The following PDE1C variants were observed in gnomAD, a reference collection of about 807,000 sequenced individuals.
The protein encoded by PDE1C is phosphodiesterase 1C.
Under a neutral mutation model 93.1 loss-of-function variants are expected in PDE1C, and 62 were observed. That is an observed-to-expected ratio of 0.67 (90% confidence interval 0.54 to 0.82). PDE1C has a LOEUF of 0.82. Ranked by LOEUF, PDE1C falls within the 40% of genes least tolerant of loss-of-function variation. PDE1C has a pLI of 0.00. For synonymous variants in PDE1C, 325 were observed against 310.1 expected (o/e 1.05, Z -0.50); for missense variants, 742 against 884.6 (o/e 0.84, Z 2.04).
intron 1 of PDE1C, among the ~76,000 whole-genome samples, chr7:32,326,831 G>A (rs1187699251): frequency 6.6e-6 from 1 of 152,164 alleles, no homozygotes; most frequent in Non-Finnish European, 1.5e-5. Flanking sequence ...ATAACAGCAT[G>A]TTTGCATGCT....
chr7:32,002,641 T>C (rs1785627314), intron 2 of PDE1C, among the ~76,000 whole-genome samples: 1 of 152,124 alleles, frequency 6.6e-6, no homozygotes, highest in Non-Finnish European at 1.5e-5. Context: ...AGCCAGAGAA[T>C]AAACACAACA....
chr7:32,298,833 T>A (rs1047083240), exon 1 of PDE1C: 1 of 1,434,904 alleles, frequency 7.0e-7, no homozygotes, highest in East Asian at 2.8e-5. Flanking sequence ...CGGCGAATCC[T>A]CCCCCGGCCG....
chr7:32,363,004 A>G (rs1784162932), intron 1 of PDE1C, among the ~76,000 whole-genome samples: 1 of 152,226 alleles, frequency 6.6e-6, no homozygotes, highest in African/African-American at 2.4e-5. Flanking sequence ...AAATTCATTC[A>G]CAGCAAACAC....
intron 9 of PDE1C, among the ~76,000 whole-genome samples, chr7:31,845,674 A>T (rs111976043): frequency 0.014 from 2,114 of 152,176 alleles, 17 homozygotes; most frequent in Non-Finnish European, 0.018. Flanking sequence ...AATAAAAAAA[A>T]TTTTTAAAAA....
the PDE1C span, among the ~76,000 whole-genome samples, chr7:31,680,670 A>T: frequency 6.6e-6 from 1 of 152,034 alleles, no homozygotes. Context: ...ATGGTGCTCA[A>T]AGTCAGTGTG....
chr7:31,829,573 A>G (rs976739212), intron 11 of PDE1C, among the ~76,000 whole-genome samples: 1 of 152,180 alleles, frequency 6.6e-6, no homozygotes, highest in African/African-American at 2.4e-5. Context: ...CACATGTAGC[A>G]TTAACTGAAA....
chr7:32,145,867 C>T (rs534980702), intron 3 of PDE1C, among the ~76,000 whole-genome samples: 13 of 152,198 alleles, frequency 8.5e-5, no homozygotes, highest in Admixed American at 3.9e-4. Flanking sequence ...CTTCTGACTC[C>T]GAGAACAGTG....
intron 7 of PDE1C, among the ~76,000 whole-genome samples, chr7:31,851,086 A>ACG (rs2128802266): frequency 6.4e-5 from 1 of 15,652 alleles, no homozygotes; most frequent in East Asian, 4.3e-3. Flanking sequence ...ACACACACAC[A>ACG]CACACACACA....
intron 2 of PDE1C, among the ~76,000 whole-genome samples, chr7:31,953,612 T>C (rs1157669562): frequency 4.6e-5 from 7 of 152,134 alleles, no homozygotes. Context: ...AAATATCTAT[T>C]CATCCCACCA....
intron 3 of PDE1C, among the ~76,000 whole-genome samples, chr7:32,122,847 C>A (rs1799372603): frequency 6.6e-6 from 1 of 152,066 alleles, no homozygotes; most frequent in Non-Finnish European, 1.5e-5. Flanking sequence ...TAGCAGAAGA[C>A]AAGAAATAAC....
chr7:32,018,801 A>C (rs1271312847), intron 2 of PDE1C, among the ~76,000 whole-genome samples: 1 of 152,180 alleles, frequency 6.6e-6, no homozygotes, highest in Non-Finnish European at 1.5e-5. Flanking sequence ...TATGCTTTAA[A>C]TGGGTGACTT....
At chr7:32,417,014 C>T (rs1481832870) in intron 1 of PDE1C, among the ~76,000 whole-genome samples, 2 of 152,102 alleles carry the variant, frequency 1.3e-5, no homozygotes, top group Non-Finnish European at 2.9e-5. Context: ...CTCTCCCAGC[C>T]GACACATAGC....
intron 17 of PDE1C, among the ~76,000 whole-genome samples, chr7:31,767,413 A>C (rs1795213504): frequency 6.6e-6 from 1 of 152,014 alleles, no homozygotes; most frequent in South Asian, 2.1e-4. Context: ...TGGTCATTTA[A>C]AAGTGTGCGG....
At chr7:31,626,074 C>T in the PDE1C span, among the ~76,000 whole-genome samples, 1 of 152,066 alleles carries the variant, frequency 6.6e-6, no homozygotes, top group African/African-American at 2.4e-5. Context: ...AATCAAAGAA[C>T]AGACAGAAGT....
intron 3 of PDE1C, among the ~76,000 whole-genome samples, chr7:32,088,015 A>G (rs1340638035): frequency 7.0e-6 from 1 of 142,440 alleles, no homozygotes; most frequent in South Asian, 2.5e-4. Context: ...AATAAAATAA[A>G]AAAATAAAAA....
the PDE1C span, among the ~76,000 whole-genome samples, chr7:31,743,521 AC>A: frequency 6.6e-6 from 1 of 151,690 alleles, no homozygotes; most frequent in Non-Finnish European, 1.5e-5. Flanking sequence ...AAGTCATAAA[AC>A]CACATCAGCA....
chr7:32,367,229 G>A (rs1450201168), intron 1 of PDE1C, among the ~76,000 whole-genome samples: 10 of 152,186 alleles, frequency 6.6e-5, no homozygotes, highest in Non-Finnish European at 1.5e-4. Flanking sequence ...ATGAAAGCAT[G>A]TGAAACTATA....
chr7:31,998,271 G>T (rs911408505), intron 2 of PDE1C, among the ~76,000 whole-genome samples: 3 of 151,984 alleles, frequency 2.0e-5, no homozygotes, highest in Admixed American at 2.0e-4. Context: ...CTCCCGCCTT[G>T]GCCTCCCAAA....
the PDE1C span, among the ~76,000 whole-genome samples, chr7:31,671,425 A>G: frequency 6.6e-6 from 1 of 152,162 alleles, no homozygotes; most frequent in Non-Finnish European, 1.5e-5. Context: ...TCCCACCTGC[A>G]AAGGGGTCAG....
Sources: allele counts gnomAD v4.1 joint callset (sites outside exome capture counted in the v4.1 genomes callset), GRCh38; gene constraint gnomAD v4.1.1; transcripts MANE v1.5; gene names NCBI Gene and HGNC (gene_info 2026-07-23, HGNC 2026-07-21).